KAZN: variants seen among roughly 807,000 people sequenced by gnomAD.
The protein encoded by KAZN is kazrin.
A neutral mutation model predicts 87.4 loss-of-function variants in KAZN; 40 were observed. The observed-to-expected ratio is 0.46, with a 90% CI of 0.36 to 0.60. KAZN has a LOEUF of 0.60. Ranked by LOEUF, KAZN falls within the 20% of genes least tolerant of loss-of-function variation. The pLI, the probability that KAZN is intolerant of heterozygous loss-of-function variation, is 0.00. For synonymous variants in KAZN, 466 were observed against 458.3 expected (o/e 1.02, Z -0.22); for missense variants, 898 against 1,073.9 (o/e 0.84, Z 2.29).
At position 15,043,847 on chromosome 1, in the gene KAZN, G is replaced by A. The variant is rs1673177071; in HGVS notation, c.556-142G>A. 3 of 801,030 alleles carry A rather than the reference G, an allele frequency of 3.7e-6. No homozygotes were observed. In the Admixed American group the frequency reaches 9.9e-5, roughly 26 times the overall value. The allele number at this position is 801,030 out of a possible 1,614,324, so 49.6% of individuals were successfully genotyped here. A position where few individuals can be genotyped will look rare whatever the true frequency, so the allele number is the denominator to read the frequency against. The stretch of plus-strand genomic sequence containing the variant: ...TTTAGTAGAGACGGGGTTTCACCAT[G>A]TTAGCCAGGATGGTCTCAATCTCCT... On this transcript the variant is annotated intron_variant, in intron 3 of 14. Transcript: ENST00000376030.
intron 1 of KAZN, among the ~76,000 whole-genome samples, chr1:14,651,912 G>T (rs1324980282): frequency 6.6e-6 from 1 of 152,212 alleles, no homozygotes; most frequent in Non-Finnish European, 1.5e-5. Flanking sequence ...TGATACCCAT[G>T]ATCCCACACA....
intron 2 of KAZN, among the ~76,000 whole-genome samples, chr1:14,482,984 TC>T (rs1311507074): frequency 6.6e-6 from 1 of 151,682 alleles, no homozygotes; most frequent in Non-Finnish European, 1.5e-5. Flanking sequence ...GAATAATCGT[TC>T]CTGTTTCACA....
chr1:15,090,866 G>C (rs1004656734), intron 8 of KAZN, among the ~76,000 whole-genome samples: 1 of 152,204 alleles, frequency 6.6e-6, no homozygotes, highest in Non-Finnish European at 1.5e-5. Flanking sequence ...TGAGGCACAA[G>C]GTGTTTGGGA....
At chr1:14,836,405 A>C (rs1647268877) in intron 1 of KAZN, among the ~76,000 whole-genome samples, 1 of 136,942 alleles carries the variant, frequency 7.3e-6, no homozygotes, top group Admixed American at 7.2e-5. Context: ...TGCCCCAAGC[A>C]GCTGCCCCTT....
chr1:14,156,150 A>G (rs953624349), intron 1 of KAZN, among the ~76,000 whole-genome samples: 1 of 152,126 alleles, frequency 6.6e-6, no homozygotes, highest in African/African-American at 2.4e-5. Context: ...TAGTTTCCAA[A>G]ACTCCTCTTG....
chr1:14,075,446 G>A (rs1643413891), intron 1 of KAZN, among the ~76,000 whole-genome samples: 2 of 152,050 alleles, frequency 1.3e-5, no homozygotes, highest in South Asian at 2.1e-4. Flanking sequence ...ATCTACCTCA[G>A]CACACATCAA....
At chr1:14,851,560 T>G (rs6663624) in intron 1 of KAZN, among the ~76,000 whole-genome samples, 31,859 of 152,166 alleles carry the variant, frequency 0.21, 4,776 homozygotes, top group African/African-American at 0.42. Flanking sequence ...GGGGTGTCCA[T>G]TCAGGGGGCC....
At chr1:14,179,522 A>G (rs1175135339) in intron 1 of KAZN, among the ~76,000 whole-genome samples, 2 of 152,222 alleles carry the variant, frequency 1.3e-5, no homozygotes, top group South Asian at 2.1e-4. Context: ...AAGTCCCTCT[A>G]TTGTATACTG....
intron 1 of KAZN, among the ~76,000 whole-genome samples, chr1:14,702,325 A>AGTGTGTGT (rs1641966337): frequency 2.6e-5 from 1 of 38,190 alleles, no homozygotes; most frequent in African/African-American, 9.5e-5. Flanking sequence ...TTTTTGCAAA[A>AGTGTGTGT]CTGTGTGTGT....
intron 2 of KAZN, among the ~76,000 whole-genome samples, chr1:14,533,309 G>C (rs572052132): frequency 7.6e-4 from 116 of 152,266 alleles, no homozygotes; most frequent in Non-Finnish European, 5.6e-4. Context: ...ACATTGAAAA[G>C]GCTCCATGTC....
intron 1 of KAZN, among the ~76,000 whole-genome samples, chr1:14,033,843 C>A (rs1641429136): frequency 6.6e-6 from 1 of 152,224 alleles, no homozygotes; most frequent in Non-Finnish European, 1.5e-5. Flanking sequence ...CTTCTTCCAT[C>A]CTCAAACACA....
At chr1:14,042,372 A>G (rs1201276895) in intron 1 of KAZN, among the ~76,000 whole-genome samples, 1 of 152,146 alleles carries the variant, frequency 6.6e-6, no homozygotes, top group Non-Finnish European at 1.5e-5. Context: ...TATGAGTCCA[A>G]CAGCTTCTCA....
At chr1:14,406,660 A>G (rs565098825) in intron 2 of KAZN, among the ~76,000 whole-genome samples, 10 of 152,200 alleles carry the variant, frequency 6.6e-5, no homozygotes, top group Non-Finnish European at 1.3e-4. Context: ...TCATGTAACC[A>G]AATACCACCT....
chr1:14,631,009 A>C (rs1339433631), intron 1 of KAZN, among the ~76,000 whole-genome samples: 1 of 152,192 alleles, frequency 6.6e-6, no homozygotes, highest in Non-Finnish European at 1.5e-5. Context: ...AAGCGTATTG[A>C]TCTTCTAGCA....
chr1:15,031,765 A>G (rs1671731418), intron 2 of KAZN, among the ~76,000 whole-genome samples: 1 of 152,026 alleles, frequency 6.6e-6, no homozygotes, highest in African/African-American at 2.4e-5. Flanking sequence ...CACCACAATC[A>G]GCGTATTGTT....
intron 1 of KAZN, among the ~76,000 whole-genome samples, chr1:14,669,472 G>T (rs967863112): frequency 6.6e-6 from 1 of 152,168 alleles, no homozygotes; most frequent in African/African-American, 2.4e-5. Flanking sequence ...AGCTGGGCGC[G>T]GTGGCTCACA....
chr1:14,069,952 C>T (rs149560183), intron 1 of KAZN, among the ~76,000 whole-genome samples: 1,634 of 151,998 alleles, frequency 0.011, 26 homozygotes, highest in South Asian at 0.066. Flanking sequence ...TGGCGGATCA[C>T]GAGGTCAGGA....
At chr1:14,514,608 TA>T (rs1671196560) in intron 2 of KAZN, among the ~76,000 whole-genome samples, 8 of 25,014 alleles carry the variant, frequency 3.2e-4, no homozygotes, top group African/African-American at 1.4e-3. Context: ...TATATATATA[TA>T]TATATATATA....
chr1:15,093,518 T>C (rs1259809505), intron 8 of KAZN, among the ~76,000 whole-genome samples: 1 of 151,956 alleles, frequency 6.6e-6, no homozygotes, highest in East Asian at 1.9e-4. Flanking sequence ...CGGGGGAAAA[T>C]AATCATTCGT....
Sources: gnomAD v4.1 joint callset for allele counts (sites outside exome capture counted in the v4.1 genomes callset) on GRCh38, gnomAD v4.1.1 for gene constraint, MANE v1.5 for transcripts, NCBI Gene and HGNC (gene_info 2026-07-23, HGNC 2026-07-21) for gene names.